The following RABL6 variants were observed in gnomAD, a reference collection of about 807,000 sequenced individuals.
RABL6 encodes the protein rab-like protein 6.
RABL6 carries 28 observed loss-of-function variants against 72.9 expected under a neutral mutation model. The ratio of observed to expected loss-of-function variants is 0.38; its 90% CI spans 0.28 to 0.53. The LOEUF is 0.53. RABL6 is among the 20% of genes least tolerant of loss of function. RABL6 has a pLI of 0.80. For missense variants in RABL6, 1,029 were observed against 1,008.4 expected (o/e 1.02, Z -0.28); for synonymous variants, 477 against 421.2 (o/e 1.13, Z -1.62).
rs371984790 is a variant in RABL6, at chr9:136,839,769, C to T, written c.1834C>T (p.Pro612Ser). 3.1e-5 allele frequency: 50 copies of T among 1,612,584 alleles called. No homozygotes were observed. The African/African-American group carries it at 4.9e-4, about 16-fold the overall frequency. The stretch of plus-strand genomic sequence containing the variant: ...GGGCCCTGCCGAGCCGCCCCCACCC[C>T]CCAAGCTCCCTCTCCCCGCCTTCAG... ...DEGPAEPPPP[P>S]KLPLPAFRLK... The change falls in exon 13 of 15, where the codon CCC (proline) becomes TCC (serine). Residue 612 changes from proline to serine, a missense_variant. Pro to Ser is a moderately conservative substitution (Grantham distance 74). Transcript: ENST00000311502.
At chr9:136,832,044 T>C in intron 6 of RABL6, 183 bp downstream of exon 6, 1 of 1,049,538 alleles carries the variant, frequency 9.5e-7, no homozygotes, top group Non-Finnish European at 1.3e-6. Flanking sequence ...GGGAACTGTG[T>C]GCTGGGGAAC....
chr9:136,819,910 T>TA (rs1035693501), intron 1 of RABL6, among the ~76,000 whole-genome samples: 44 of 151,828 alleles, frequency 2.9e-4, no homozygotes, highest in African/African-American at 8.0e-4. Flanking sequence ...AAAAAAATAG[T>TA]AAAAAAACTA....
chr9:136,808,396 G>T, intron 1 of RABL6, 70 bp downstream of exon 1: 5 of 1,369,362 alleles, frequency 3.7e-6, no homozygotes, highest in Non-Finnish European at 4.7e-6. Flanking sequence ...CGGGCGCCGC[G>T]CGGTGGTGGG....
intron 1 of RABL6, chr9:136,808,827 A>G (rs535118953): frequency 1.8e-5 from 2 of 112,950 alleles, no homozygotes; most frequent in East Asian, 5.5e-4. Context: ...TAGCTACGCC[A>G]CACATTCTCG....
chr9:136,810,677 G>A (rs764431712), intron 1 of RABL6, among the ~76,000 whole-genome samples: 2 of 152,216 alleles, frequency 1.3e-5, no homozygotes, highest in African/African-American at 4.8e-5. Context: ...GAGTAGCTGG[G>A]ACTATAGGCA....
At chr9:136,818,061 C>CAA (rs35850059) in intron 1 of RABL6, among the ~76,000 whole-genome samples, 9,495 of 78,318 alleles carry the variant, frequency 0.12, 921 homozygotes, top group East Asian at 0.2. Context: ...GACTCCATCT[C>CAA]AAAAAAAAAA....
In RABL6 at chr9:136,825,043, C is replaced by T. The variant is rs1848323270; in HGVS notation, c.266-736C>T. Among the ~76,000 whole-genome samples the T allele has an allele frequency of 2.0e-5, 3 of 152,210 alleles. No homozygotes were observed. The South Asian group carries it at 6.2e-4, about 32-fold the overall frequency. Reference sequence around the variant, plus strand: ...TCCTTGGGTGGGCGGGAGGCTCCATCCATCAGCTCCCCCAGTCCCCAGCAC... The same window carrying T: ...TCCTTGGGTGGGCGGGAGGCTCCATTCATCAGCTCCCCCAGTCCCCAGCAC... On this transcript the variant is annotated intron_variant, in intron 2 of 14. Transcript: ENST00000311502.
At chr9:136,837,223 G>C (rs866890129) in intron 8 of RABL6, 123 bp from the exon 9 acceptor site, 4 of 1,108,308 alleles carry the variant, frequency 3.6e-6, no homozygotes, top group East Asian at 5.1e-5. Context: ...TCTGTGGGGC[G>C]GGTGGCCCAG....
Position 136,828,556 on chromosome 9 carries a change from A to C in RABL6, c.366+10A>C. On this transcript the variant is annotated intron_variant, in intron 4 of 14. Transcript: ENST00000311502. ...GAACGACCCCCAGGAGGTGAGTGCC[A>C]GGTACACAGTGGGTAGCAGTGGCTC... 1 of 1,613,036 alleles carries C rather than the reference A, an allele frequency of 6.2e-7. No homozygotes were observed. The highest frequency in any genetic ancestry group is 8.5e-7 in the Non-Finnish European group (1 of 1,179,602).
chr9:136,818,754 A>T (rs1208912673), intron 1 of RABL6, among the ~76,000 whole-genome samples: 1 of 151,836 alleles, frequency 6.6e-6, no homozygotes, highest in Non-Finnish European at 1.5e-5. Context: ...AAAAAAAAAA[A>T]GGAAAGAAAA....
In RABL6 at chr9:136,828,955, C is replaced by T. The variant is rs150343005; in HGVS notation, c.366+409C>T. 3.8e-3 allele frequency among the ~76,000 whole-genome samples: 585 copies of T among 152,334 alleles called. 6 individuals carry two copies. In the Middle Eastern group the frequency reaches 0.075, roughly 19 times the overall value. The stretch of plus-strand genomic sequence containing the variant: ...GACACACCCAGGGCCTCGCACTCTC[C>T]GTGCGGTGCCTCCCACTCCCTTTAG... On this transcript the variant is annotated intron_variant, in intron 4 of 14. Coordinates refer to ENST00000311502, the MANE Select transcript of RABL6 (RefSeq NM_024718.5).
chr9:136,811,703 G>T (rs1211675880), intron 1 of RABL6, among the ~76,000 whole-genome samples: 1 of 151,894 alleles, frequency 6.6e-6, no homozygotes, highest in South Asian at 2.1e-4. Flanking sequence ...ACGTTGCCCA[G>T]CTGGGCTCAG....
Position 136,829,275 on chromosome 9 carries a change from A to G in RABL6, c.367-118A>G, listed in dbSNP as rs1848421453. 6.3e-6 allele frequency: 5 copies of G among 797,360 alleles called. No individual in the cohort carries two copies. The African/African-American group carries it at 6.9e-5, about 11-fold the overall frequency. 49.4% of individuals were successfully genotyped at this position (797,360 alleles called of 1,614,324 possible). A position where few individuals can be genotyped will look rare whatever the true frequency, so the allele number is the denominator to read the frequency against. On this transcript the variant is annotated intron_variant, in intron 4 of 14. Transcript: ENST00000311502. ...CATCTCTTCAGCATATCGTTTCCAA[A>G]TGGAAATGGCTGTTATCTTTTCAGA...
chr9:136,821,944 G>A (rs1848246388), intron 1 of RABL6: 2 of 1,288,922 alleles, frequency 1.6e-6, no homozygotes, highest in South Asian at 2.5e-5. Context: ...TTGCCGCAGC[G>A]CTGGCCGGCG....
rs772709584 is a variant in RABL6, at chr9:136,839,876, G to T, written c.1930+11G>T. On this transcript the variant is annotated intron_variant, in intron 13 of 14. Transcript: ENST00000311502. ...AGAGCAGTGAGGAAGGTGGGTGGGG[G>T]CACCAGAGTGCGGTCAGCCTGCTGG... The T allele has an allele frequency of 5.6e-6, 9 of 1,608,544 alleles. No individual in the cohort carries two copies. Among genetic ancestry groups the T allele is most frequent in the Admixed American group, 1.7e-5 (1 of 59,274 alleles).
Position 136,832,513 on chromosome 9 carries a change from G to A in RABL6, c.705+143G>A, listed in dbSNP as rs560815132. On this transcript the variant is annotated intron_variant, in intron 7 of 14. Coordinates refer to ENST00000311502, the MANE Select transcript of RABL6 (RefSeq NM_024718.5). Reference sequence around the variant, plus strand: ...GATTGGCTGCTGGCAAGGGCCCAGCGTTCTACTGCACCTGCCTGCTCTGGG... The same window carrying A: ...GATTGGCTGCTGGCAAGGGCCCAGCATTCTACTGCACCTGCCTGCTCTGGG... 183 of 764,176 alleles carry A rather than the reference G, an allele frequency of 2.4e-4. 1 individual carries two copies. The highest frequency in any genetic ancestry group is 2.0e-3 in the African/African-American group (114 of 58,134). The allele number at this position is 764,176 out of a possible 1,614,324, so 47.3% of individuals were successfully genotyped here. A position where few individuals can be genotyped will look rare whatever the true frequency, so the allele number is the denominator to read the frequency against.
At chr9:136,831,547 G>A (rs953064131) in intron 5 of RABL6, among the ~76,000 whole-genome samples, 174 bp from the exon 6 acceptor site, 1 of 152,172 alleles carries the variant, frequency 6.6e-6, no homozygotes, top group Non-Finnish European at 1.5e-5. Context: ...GGGGTGCGAA[G>A]GCCCTCGAGG....
intron 1 of RABL6, among the ~76,000 whole-genome samples, chr9:136,819,335 A>AAG (rs1772815986): frequency 6.6e-6 from 1 of 151,824 alleles, no homozygotes; most frequent in African/African-American, 2.4e-5. Flanking sequence ...AAAAAAAAAA[A>AAG]AAAAAAAAGA....
intron 1 of RABL6, among the ~76,000 whole-genome samples, chr9:136,818,730 G>A (rs1848177589): frequency 6.6e-6 from 1 of 150,996 alleles, no homozygotes; most frequent in Non-Finnish European, 1.5e-5. Flanking sequence ...GGGCAACAGA[G>A]TGAGACTTAA....
Sources: allele counts gnomAD v4.1 joint callset (sites outside exome capture counted in the v4.1 genomes callset), GRCh38; gene constraint gnomAD v4.1.1; transcripts MANE v1.5; gene names NCBI Gene and HGNC (gene_info 2026-07-23, HGNC 2026-07-21).